MSRA: variants seen among roughly 807,000 people sequenced by gnomAD.
The protein encoded by MSRA is methionine sulfoxide reductase A.
Under a neutral mutation model 31.3 loss-of-function variants are expected in MSRA, and 54 were observed. The observed-to-expected ratio is 1.73, with a 90% CI of 1.39 to 2.17. The LOEUF is 2.17. MSRA is among the 30% of genes most tolerant of loss of function. MSRA has a pLI of 0.00. For missense variants in MSRA, 507 were observed against 300.9 expected, an observed-to-expected ratio of 1.69 and a Z score of -5.07; for synonymous variants, 169 against 116.5, an observed-to-expected ratio of 1.45 and a Z score of -2.90.
At chr8:10,194,538 C>T (rs565930061) in intron 1 of MSRA, among the ~76,000 whole-genome samples, 19 of 152,300 alleles carry the variant, frequency 1.2e-4, no homozygotes, top group African/African-American at 4.6e-4. Context: ...TGCACTTCTG[C>T]CTCCTCATTT....
chr8:10,176,156 C>T (rs1178993013), intron 1 of MSRA, among the ~76,000 whole-genome samples: 1 of 152,208 alleles, frequency 6.6e-6, no homozygotes, highest in East Asian at 1.9e-4. Context: ...GAAACGATCT[C>T]AAATTCATCT....
At chr8:10,308,425 C>T (rs548145445) in intron 4 of MSRA, among the ~76,000 whole-genome samples, 2 of 152,186 alleles carry the variant, frequency 1.3e-5, no homozygotes, top group Non-Finnish European at 2.9e-5. Context: ...TTCTCTCTAT[C>T]CACTTGACCA....
At chr8:10,199,445 G>C (rs1808303037) in intron 1 of MSRA, among the ~76,000 whole-genome samples, 1 of 152,174 alleles carries the variant, frequency 6.6e-6, no homozygotes, top group Non-Finnish European at 1.5e-5. Flanking sequence ...TCAGCCTCCT[G>C]AGTAGCTGGG....
chr8:10,276,756 T>A (rs1799343154), intron 3 of MSRA, among the ~76,000 whole-genome samples: 1 of 152,234 alleles, frequency 6.6e-6, no homozygotes, highest in African/African-American at 2.4e-5. Context: ...GATTTAGATC[T>A]GCTTGTTATT....
rs1198059041 is a variant in MSRA at position 10,390,974 on chromosome 8, C to T, written c.544-37174C>T. On this transcript the variant is annotated intron_variant, in intron 5 of 5. Transcript: ENST00000317173. ...CTGGGCGATAAGTGAGACTCTGTCT[C>T]AAAAGAAAAAAAAAAAAAACAGCAC... is the stretch of plus-strand genomic sequence containing the variant. Among the ~76,000 whole-genome samples the T allele has an allele frequency of 7.6e-5, 4 of 52,834 alleles. No homozygotes were observed. In the South Asian group the frequency reaches 2.3e-3, roughly 31 times the overall value. The allele number at this position is 52,834 out of a possible 152,430, so 34.7% of individuals were successfully genotyped here. A position where few individuals can be genotyped will look rare whatever the true frequency, so the allele number is the denominator to read the frequency against.
chr8:10,146,159 TAGAGCAGCAA>T (rs1436046408), intron 1 of MSRA, among the ~76,000 whole-genome samples: 3 of 152,112 alleles, frequency 2.0e-5, no homozygotes, highest in African/African-American at 7.2e-5. Flanking sequence ...CACATAACCC[TAGAGCAGCAA>T]AGAATGGTGC....
At chr8:10,065,004 G>A (rs1228394754) in intron 1 of MSRA, among the ~76,000 whole-genome samples, 2 of 152,142 alleles carry the variant, frequency 1.3e-5, no homozygotes, top group Non-Finnish European at 2.9e-5. Context: ...ATGGTAGGCT[G>A]TCACAGAGCC....
intron 2 of MSRA, among the ~76,000 whole-genome samples, chr8:10,233,663 A>G (rs1046499369): frequency 2.0e-5 from 3 of 152,250 alleles, no homozygotes; most frequent in African/African-American, 7.2e-5. Context: ...GTATCTATCA[A>G]TTAATCAGCA....
intron 1 of MSRA, among the ~76,000 whole-genome samples, chr8:10,091,403 A>C (rs976228631): frequency 1.3e-4 from 20 of 152,182 alleles, no homozygotes; most frequent in Non-Finnish European, 2.9e-4. Flanking sequence ...ATATTGCAGA[A>C]TCTTATTTTT....
chr8:10,416,339 C>A (rs1808457396), intron 5 of MSRA, among the ~76,000 whole-genome samples: 1 of 152,232 alleles, frequency 6.6e-6, no homozygotes, highest in Admixed American at 6.5e-5. Flanking sequence ...TTCGGCTGAA[C>A]TGTGCTGACT....
intron 5 of MSRA, among the ~76,000 whole-genome samples, chr8:10,417,770 G>GTGTGTGTGTGTGTC (rs1412025698): frequency 1.3e-5 from 2 of 150,992 alleles, no homozygotes; most frequent in Admixed American, 1.3e-4. Flanking sequence ...GTGTGTGTGT[G>GTGTGTGTGTGTGTC]TGTGTGTGTC....
chr8:10,207,008 G>T (rs771340284), intron 1 of MSRA, among the ~76,000 whole-genome samples: 9 of 152,140 alleles, frequency 5.9e-5, no homozygotes, highest in Non-Finnish European at 1.0e-4. Flanking sequence ...AGTGTGAAGC[G>T]TCTTAGCTAT....
chr8:10,096,113 C>G, intron 1 of MSRA: 3 of 1,296,378 alleles, frequency 2.3e-6, no homozygotes, highest in South Asian at 2.0e-5. Flanking sequence ...AGGAGCCTTT[C>G]TAAGATTTTA....
chr8:10,260,192 A>G (rs1798399715), intron 3 of MSRA, among the ~76,000 whole-genome samples: 2 of 152,238 alleles, frequency 1.3e-5, no homozygotes, highest in Non-Finnish European at 1.5e-5. Flanking sequence ...TTGATGCAGG[A>G]GGCTCTCCTT....
intron 3 of MSRA, among the ~76,000 whole-genome samples, chr8:10,276,474 C>T (rs1799328046): frequency 6.6e-6 from 1 of 152,204 alleles, no homozygotes; most frequent in Admixed American, 6.5e-5. Flanking sequence ...TAAATTGGAC[C>T]AGCTGCTGCC....
chr8:10,084,037 T>C (rs1035874476), intron 1 of MSRA, among the ~76,000 whole-genome samples: 3 of 152,170 alleles, frequency 2.0e-5, no homozygotes, highest in African/African-American at 7.2e-5. Context: ...GGAAGTGAAA[T>C]GTGCAAGGAC....
intron 1 of MSRA, among the ~76,000 whole-genome samples, chr8:10,099,112 A>T (rs553276587): frequency 7.8e-6 from 1 of 127,860 alleles, no homozygotes; most frequent in South Asian, 2.5e-4. Context: ...TTTGTGAGTG[A>T]GAGAGAGAGA....
chr8:10,305,059 A>C (rs1352015669), intron 4 of MSRA, among the ~76,000 whole-genome samples: 4 of 152,232 alleles, frequency 2.6e-5, no homozygotes, highest in Non-Finnish European at 5.9e-5. Flanking sequence ...GACTCAAGAG[A>C]AATGTATTTT....
At chr8:10,213,612 C>G (rs1479785313) in intron 2 of MSRA, among the ~76,000 whole-genome samples, 3 of 151,554 alleles carry the variant, frequency 2.0e-5, no homozygotes, top group Non-Finnish European at 4.4e-5. Context: ...AATTTTCTGT[C>G]TTTTTAGTAG....
Sources: allele counts gnomAD v4.1 joint callset (sites outside exome capture counted in the v4.1 genomes callset), GRCh38; gene constraint gnomAD v4.1.1; transcripts MANE v1.5; gene names NCBI Gene and HGNC (gene_info 2026-07-23, HGNC 2026-07-21).